Variants in MACROD1 observed in about 807,000 individuals in gnomAD.
MACROD1 encodes ADP-ribose glycohydrolase MACROD1.
MACROD1 carries 31 observed loss-of-function variants against 41.4 expected under a neutral mutation model. That is an observed-to-expected ratio of 0.75 (90% CI 0.56 to 1.01). MACROD1 has a LOEUF of 1.01. Ranked by LOEUF, MACROD1 falls within the 50% of genes least tolerant of loss-of-function variation. The probability of loss-of-function intolerance (pLI) is 0.00; values close to 1 mark genes in which losing one functional copy is unlikely to be tolerated. For missense variants in MACROD1, 473 were observed against 460.0 expected (o/e 1.03, Z -0.26); for synonymous variants, 252 against 203.4 (o/e 1.24, Z -2.03).
chr11:64,072,338 G>C (rs975457239), intron 3 of MACROD1, among the ~76,000 whole-genome samples: 1 of 152,196 alleles, frequency 6.6e-6, no homozygotes, highest in Non-Finnish European at 1.5e-5. Flanking sequence ...GAGCCTTTGG[G>C]GGTTGCCTCT....
intron 8 of MACROD1, 58 bp from the exon 9 acceptor site, chr11:63,999,094 T>G: frequency 6.7e-7 from 1 of 1,489,316 alleles, no homozygotes; most frequent in Non-Finnish European, 9.1e-7. Flanking sequence ...CAGGATCCTG[T>G]GACTGCCTGC....
chr11:64,049,320 A>G (rs1943646152), intron 3 of MACROD1, among the ~76,000 whole-genome samples: 1 of 152,200 alleles, frequency 6.6e-6, no homozygotes. Context: ...TGGGGATTGA[A>G]CAGGGTCCTA....
intron 3 of MACROD1, among the ~76,000 whole-genome samples, chr11:64,108,784 C>A (rs1001817692): frequency 3.3e-5 from 5 of 152,162 alleles, no homozygotes; most frequent in Non-Finnish European, 7.3e-5. Context: ...AAGGGAGGGA[C>A]TGGCAGGGGA....
At chr11:64,110,890 C>T (rs1251423611) in intron 3 of MACROD1, among the ~76,000 whole-genome samples, 2 of 152,194 alleles carry the variant, frequency 1.3e-5, no homozygotes, top group East Asian at 3.9e-4. Flanking sequence ...TGCTATCTTC[C>T]TCCCCACCCC....
intron 2 of MACROD1, among the ~76,000 whole-genome samples, chr11:64,152,044 G>C (rs925809386): frequency 6.6e-6 from 1 of 152,176 alleles, no homozygotes; most frequent in Non-Finnish European, 1.5e-5. Context: ...CAGGAGAATC[G>C]CTTGAACCCG....
intron 3 of MACROD1, among the ~76,000 whole-genome samples, chr11:64,046,741 C>T (rs990900682): frequency 4.6e-5 from 7 of 152,046 alleles, no homozygotes; most frequent in Non-Finnish European, 7.4e-5. Flanking sequence ...TTGAGTAATC[C>T]GCCTGCCTCA....
At chr11:64,045,220 G>A (rs1419052893) in intron 3 of MACROD1, among the ~76,000 whole-genome samples, 1 of 152,088 alleles carries the variant, frequency 6.6e-6, no homozygotes, top group Non-Finnish European at 1.5e-5. Context: ...CCCTCGGGAG[G>A]AGTGGGGCGG....
chr11:64,048,748 A>C (rs181678993), intron 3 of MACROD1, among the ~76,000 whole-genome samples: 331 of 152,316 alleles, frequency 2.2e-3, no homozygotes, highest in African/African-American at 7.6e-3. Context: ...AATTCAACCC[A>C]GATCCCATAA....
chr11:64,114,709 A>AGATGGATGGATGGATGAATG (rs1472290196), intron 3 of MACROD1, among the ~76,000 whole-genome samples: 1 of 145,770 alleles, frequency 6.9e-6, no homozygotes, highest in African/African-American at 2.5e-5. Flanking sequence ...ACTGATACAT[A>AGATGGATGGATGGATGAATG]GATGGATGGA....
chr11:64,088,181 A>G (rs1419941087), intron 3 of MACROD1, among the ~76,000 whole-genome samples: 1 of 152,198 alleles, frequency 6.6e-6, no homozygotes, highest in Non-Finnish European at 1.5e-5. Context: ...GACCCAAAGC[A>G]GCCAGACTCC....
chr11:64,141,297 G>A (rs541192879), intron 3 of MACROD1, among the ~76,000 whole-genome samples: 2 of 152,340 alleles, frequency 1.3e-5, no homozygotes, highest in East Asian at 1.9e-4. Context: ...AAGCCCCAGG[G>A]TCAGGGTCTG....
In MACROD1 at chr11:64,049,743, G is replaced by A. The variant is rs151002113; in HGVS notation, c.518-34462C>T. On this transcript the variant is annotated intron_variant, in intron 3 of 10. Transcript: ENST00000255681. ...CAGTGTCTTGCCTTCTCATCCTGAGGGGGATCGGTTTCTCCATCTGTGAAA... is the reference window on the plus strand; with the variant it reads ...CAGTGTCTTGCCTTCTCATCCTGAGAGGGATCGGTTTCTCCATCTGTGAAA... Among the ~76,000 whole-genome samples, 13 of 152,354 alleles carry A rather than the reference G, an allele frequency of 8.5e-5. No homozygotes were observed. In the East Asian group the frequency reaches 2.5e-3, roughly 29 times the overall value.
At chr11:64,006,290 C>T (rs578213779) in intron 4 of MACROD1, among the ~76,000 whole-genome samples, 28 of 152,334 alleles carry the variant, frequency 1.8e-4, no homozygotes, top group South Asian at 1.2e-3. Context: ...ATCCCATTGC[C>T]GGAACCATCT....
At chr11:64,008,269 T>G (rs574247148) in intron 4 of MACROD1, among the ~76,000 whole-genome samples, 2 of 148,596 alleles carry the variant, frequency 1.3e-5, no homozygotes, top group African/African-American at 2.5e-5. Context: ...GAGAAAGAGG[T>G]GAGGGAGAGA....
intron 3 of MACROD1, among the ~76,000 whole-genome samples, chr11:64,063,071 T>C (rs72918411): frequency 6.6e-6 from 1 of 152,250 alleles, no homozygotes; most frequent in Non-Finnish European, 1.5e-5. Flanking sequence ...TGACAGTCGT[T>C]CTAGTTTAGT....
chr11:64,001,660 G>C (rs1942827948), intron 4 of MACROD1: 1 of 701,296 alleles, frequency 1.4e-6, no homozygotes, highest in African/African-American at 1.7e-5. Flanking sequence ...GAGGTTAGGG[G>C]AACGCTGAGA....
chr11:64,143,453 G>A (rs1303490848), intron 3 of MACROD1, among the ~76,000 whole-genome samples: 3 of 152,126 alleles, frequency 2.0e-5, no homozygotes, highest in African/African-American at 4.8e-5. Flanking sequence ...CCTCAGTCCA[G>A]AGCCGGAGCT....
rs1048110980 is a variant in MACROD1, at chr11:64,000,172, T to C, written c.664+55A>G. 2.8e-6 allele frequency: 4 copies of C among 1,431,866 alleles called. No individual in the cohort carries two copies. In the African/African-American group the frequency reaches 5.6e-5, roughly 20 times the overall value. The allele number at this position is 1,431,866 out of a possible 1,614,324, so 88.7% of individuals were successfully genotyped here. ...GGGGGCCGCACCCCTGATGTCCCAG[T>C]GACACACGGGCGCCCTGTCTGCGCC... On this transcript the variant is annotated intron_variant, in intron 5 of 10. Transcript: ENST00000255681.
intron 3 of MACROD1, among the ~76,000 whole-genome samples, chr11:64,098,421 G>A (rs1228408779): frequency 6.6e-6 from 1 of 152,182 alleles, no homozygotes; most frequent in Non-Finnish European, 1.5e-5. Context: ...CTCCCAACAT[G>A]CTGAGCCCAT....
Sources: gnomAD v4.1 joint callset for allele counts (sites outside exome capture counted in the v4.1 genomes callset) on GRCh38, gnomAD v4.1.1 for gene constraint, MANE v1.5 for transcripts, NCBI Gene and HGNC (gene_info 2026-07-23, HGNC 2026-07-21) for gene names.